SLCO3A1: variants seen among roughly 807,000 people sequenced by gnomAD.
The protein encoded by SLCO3A1 is solute carrier organic anion transporter family member 3A1.
A neutral mutation model predicts 63.1 loss-of-function variants in SLCO3A1; 27 were observed. That is an observed-to-expected ratio of 0.43 (90% CI 0.32 to 0.59). The LOEUF (loss-of-function observed/expected upper bound fraction) is 0.59. Ranked by LOEUF, SLCO3A1 falls within the 20% of genes least tolerant of loss-of-function variation. SLCO3A1 has a pLI of 0.09. For missense variants in SLCO3A1, 773 were observed against 945.8 expected (o/e 0.82, Z 2.40); for synonymous variants, 473 against 409.9 (o/e 1.15, Z -1.86).
intron 1 of SLCO3A1, among the ~76,000 whole-genome samples, chr15:91,877,891 C>T (rs1897441025): frequency 6.6e-6 from 1 of 151,978 alleles, no homozygotes; most frequent in African/African-American, 2.4e-5. Context: ...TTGGATGGAG[C>T]CACCCTTCCA....
chr15:91,994,743 A>G (rs1212803543), intron 2 of SLCO3A1, among the ~76,000 whole-genome samples: 1 of 152,192 alleles, frequency 6.6e-6, no homozygotes, highest in Non-Finnish European at 1.5e-5. Flanking sequence ...ATTAAATGAG[A>G]TAATGCATGA....
Position 92,165,761 on chromosome 15 carries a change from C to G in SLCO3A1, c.*2626C>G. 1.0e-6 allele frequency: 1 copy of G among 983,526 alleles called. No homozygotes were observed. Among genetic ancestry groups the G allele is most frequent in the Non-Finnish European group, 1.2e-6 (1 of 829,058 alleles). The allele number at this position is 983,526 out of a possible 1,614,324, so 60.9% of individuals were successfully genotyped here. On this transcript the variant is annotated 3_prime_UTR_variant, in exon 10 of 10. Coordinates refer to ENST00000318445, the MANE Select transcript of SLCO3A1 (RefSeq NM_013272.4). ...CTAGTTTTAATTTGCCTTTTGTGCT[C>G]TAAAGAAGCATTGTACATACAACAC...
intron 7 of SLCO3A1, among the ~76,000 whole-genome samples, chr15:92,146,482 G>C (rs558574906): frequency 3.9e-5 from 6 of 152,196 alleles, no homozygotes. Flanking sequence ...TTGCAGACGC[G>C]GTGACTTCAC....
intron 6 of SLCO3A1, 136 bp from the exon 7 acceptor site, chr15:92,128,215 A>G: frequency 9.5e-7 from 1 of 1,051,004 alleles, no homozygotes; most frequent in Admixed American, 2.1e-5. Context: ...GGAAAAGGGA[A>G]GGGAGAACCA....
chr15:91,934,003 T>C (rs908240429), intron 2 of SLCO3A1, among the ~76,000 whole-genome samples: 3 of 152,178 alleles, frequency 2.0e-5, no homozygotes, highest in Admixed American at 6.5e-5. Context: ...TGCAGCTTAG[T>C]GTTGAGTCTG....
chr15:91,980,139 C>T (rs1016760263), intron 2 of SLCO3A1, among the ~76,000 whole-genome samples: 2 of 152,154 alleles, frequency 1.3e-5, no homozygotes, highest in African/African-American at 4.8e-5. Flanking sequence ...GTTAACAAGT[C>T]CTCTCGGCCT....
chr15:92,031,907 A>G (rs1221120448), intron 2 of SLCO3A1, among the ~76,000 whole-genome samples: 1 of 152,178 alleles, frequency 6.6e-6, no homozygotes, highest in Non-Finnish European at 1.5e-5. Context: ...TGAGCGTTTC[A>G]TCGTGGACCG....
chr15:92,032,455 C>T (rs2046663725), intron 2 of SLCO3A1, among the ~76,000 whole-genome samples: 1 of 152,022 alleles, frequency 6.6e-6, no homozygotes, highest in Non-Finnish European at 1.5e-5. Context: ...CAGTCTAGGG[C>T]TGTGTTATGT....
Position 91,883,857 on chromosome 15 carries a change from A to G in SLCO3A1, c.180+29769A>G, listed in dbSNP as rs558848030. 4.6e-5 allele frequency among the ~76,000 whole-genome samples: 7 copies of G among 152,302 alleles called. No individual in the cohort carries two copies. The East Asian group carries it at 1.2e-3, about 25-fold the overall frequency. On this transcript the variant is annotated intron_variant, in intron 1 of 9. Transcript: ENST00000318445. The surrounding 1 kb of genome is among the most constrained non-coding windows in gnomAD (Gnocchi z 4.8). Reference sequence around the variant, plus strand: ...CACCCCGTGCCAGGCACCGTGTTACATGCATTTCTTCTGCTGTCCTTTTCA... The same window carrying G: ...CACCCCGTGCCAGGCACCGTGTTACGTGCATTTCTTCTGCTGTCCTTTTCA...
intron 2 of SLCO3A1, among the ~76,000 whole-genome samples, chr15:92,044,164 G>A (rs1052254037): frequency 6.6e-6 from 1 of 151,896 alleles, no homozygotes; most frequent in African/African-American, 2.4e-5. Context: ...ACCTTCCCGG[G>A]GACACTCTCC....
At chr15:92,077,456 A>AGCTGGTGACCCTCCTACCTT in intron 2 of SLCO3A1, among the ~76,000 whole-genome samples, 1 of 152,142 alleles carries the variant, frequency 6.6e-6, no homozygotes, top group Middle Eastern at 3.4e-3. Flanking sequence ...CCCTCAGAGG[A>AGCTGGTGACCCTCCTACCTT]GCTGGTGACC....
rs1468858400 is a variant in SLCO3A1 at position 92,165,393 on chromosome 15, A to G, written c.*2258A>G. The stretch of plus-strand genomic sequence containing the variant: ...GTACAGATTTTGGTTTAGTTTTGCA[A>G]ATATATTGCTAATAGGTCACTCTTA... On this transcript the variant is annotated 3_prime_UTR_variant, in exon 10 of 10. Coordinates refer to ENST00000318445, the MANE Select transcript of SLCO3A1 (RefSeq NM_013272.4). The G allele has an allele frequency of 7.1e-6, 7 of 985,234 alleles. No individual in the cohort carries two copies. The highest frequency in any genetic ancestry group is 8.4e-6 in the Non-Finnish European group (7 of 829,876). 61.0% of individuals were successfully genotyped at this position (985,234 alleles called of 1,614,324 possible). A position where few individuals can be genotyped will look rare whatever the true frequency, so the allele number is the denominator to read the frequency against.
chr15:92,080,405 T>TC (rs1382573664), intron 2 of SLCO3A1, among the ~76,000 whole-genome samples: 335 of 151,848 alleles, frequency 2.2e-3, no homozygotes, highest in African/African-American at 7.8e-3. Context: ...TTTTTTTTTT[T>TC]CCTCCAGTCC....
Position 91,854,308 on chromosome 15 carries a change from G to A in SLCO3A1, c.180+220G>A. ...GGCGGGACCGTTGATGCCGGTAGCA[G>A]CTCGCGCGCGTCCGGCTGGGGCAGG... On this transcript the variant is annotated intron_variant, in intron 1 of 9. Transcript: ENST00000318445. The surrounding 1 kb of genome is among the most constrained non-coding windows in gnomAD (Gnocchi z 6.4). 1 of 1,150,764 alleles carries A rather than the reference G, an allele frequency of 8.7e-7. No individual in the cohort carries two copies. Among genetic ancestry groups the A allele is most frequent in the Non-Finnish European group, 1.1e-6 (1 of 935,306 alleles). 71.3% of individuals were successfully genotyped at this position (1,150,764 alleles called of 1,614,324 possible). A position where few individuals can be genotyped will look rare whatever the true frequency, so the allele number is the denominator to read the frequency against.
rs1488172021 is a variant in SLCO3A1, at chr15:91,885,822, G to A, written c.181-30171G>A. On this transcript the variant is annotated intron_variant, in intron 1 of 9. Transcript: ENST00000318445. This position sits in a 1 kb window ranked among gnomAD's most constrained non-coding sequence, Gnocchi z 4.7. ...AGGCCTCTCTGGGCGGGTGATATTT[G>A]AGTAGATTTGAAAGAAGTGTGAGAT... Among the ~76,000 whole-genome samples, 1 of 152,206 alleles carries A rather than the reference G, an allele frequency of 6.6e-6. No homozygotes were observed. The highest frequency in any genetic ancestry group is 2.4e-5 in the African/African-American group (1 of 41,452).
intron 1 of SLCO3A1, among the ~76,000 whole-genome samples, chr15:91,910,607 A>C (rs1401328013): frequency 1.3e-5 from 2 of 152,236 alleles, no homozygotes; most frequent in Non-Finnish European, 2.9e-5. Flanking sequence ...CAGGTGTGGA[A>C]ACAGGCTCAG....
chr15:91,963,624 G>T (rs768264158), intron 2 of SLCO3A1, among the ~76,000 whole-genome samples: 1 of 152,272 alleles, frequency 6.6e-6, no homozygotes, highest in Admixed American at 6.5e-5. Context: ...GAATGAAGCC[G>T]TGGACCTTCG....
At chr15:92,005,117 T>C (rs2046298523) in intron 2 of SLCO3A1, among the ~76,000 whole-genome samples, 1 of 152,242 alleles carries the variant, frequency 6.6e-6, no homozygotes, top group African/African-American at 2.4e-5. Flanking sequence ...AAATAATTAG[T>C]TCAGTCTTCT....
At position 92,033,844 on chromosome 15, in the gene SLCO3A1, A is replaced by T. The variant is rs1567078545; in HGVS notation, c.647-61037A>T. On this transcript the variant is annotated intron_variant, in intron 2 of 9. Transcript: ENST00000318445. The surrounding 1 kb of genome is among the most constrained non-coding windows in gnomAD (Gnocchi z 4.5). Reference sequence around the variant, plus strand: ...GGAGTGAGGGACAAGCCGGGAGGTTATCTGGAGGAAAAACATTCCAGACAG... The same window carrying T: ...GGAGTGAGGGACAAGCCGGGAGGTTTTCTGGAGGAAAAACATTCCAGACAG... 6.6e-6 allele frequency among the ~76,000 whole-genome samples: 1 copy of T among 152,168 alleles called. No individual in the cohort carries two copies. Among genetic ancestry groups the T allele is most frequent in the African/African-American group, 2.4e-5 (1 of 41,436 alleles).
Sources: allele counts gnomAD v4.1 joint callset (sites outside exome capture counted in the v4.1 genomes callset), GRCh38; gene constraint gnomAD v4.1.1; non-coding constraint Gnocchi (gnomAD v3.1); transcripts MANE v1.5; gene names NCBI Gene and HGNC (gene_info 2026-07-23, HGNC 2026-07-21).